ANKS3: variants seen among roughly 807,000 people sequenced by gnomAD.
ANKS3 encodes ankyrin repeat and sterile alpha motif domain containing 3.
ANKS3 carries 62 observed loss-of-function variants against 80.7 expected under a neutral mutation model. The observed-to-expected ratio is 0.77, with a 90% CI of 0.63 to 0.95. The LOEUF (loss-of-function observed/expected upper bound fraction) is 0.95, where lower values mean the gene tolerates loss of function less well. Among genes scored for constraint, ANKS3 ranks in the 40% least tolerant of loss-of-function variants. ANKS3 has a pLI of 0.00. For missense variants in ANKS3, 1,150 were observed against 883.6 expected (o/e 1.30, Z -3.82); for synonymous variants, 489 against 355.3 (o/e 1.38, Z -4.23).
At chr16:4,696,946 C>A (rs1023424906) in intron 17 of ANKS3, 50 bp from the exon 18 acceptor site, 3 of 1,459,716 alleles carry the variant, frequency 2.1e-6, no homozygotes, top group Non-Finnish European at 2.8e-6. Context: ...TGGGTGCATA[C>A]CCACACCTGC....
At chr16:4,705,456 G>C (rs1311607828) in intron 7 of ANKS3, among the ~76,000 whole-genome samples, 1 of 152,184 alleles carries the variant, frequency 6.6e-6, no homozygotes, top group Non-Finnish European at 1.5e-5. Context: ...AAGTTAGTGA[G>C]GATGGGAAGT....
chr16:4,702,013 C>T (rs545740663), intron 9 of ANKS3, 89 bp downstream of exon 9: 170 of 1,448,042 alleles, frequency 1.2e-4, no homozygotes, highest in Non-Finnish European at 1.4e-4. Flanking sequence ...CTGTGTCCAG[C>T]GCCAGGCCCA....
chr16:4,698,732 T>A, intron 13 of ANKS3, 68 bp downstream of exon 13: 1 of 1,551,784 alleles, frequency 6.4e-7, no homozygotes, highest in Non-Finnish European at 8.7e-7. Flanking sequence ...GCACCCACCT[T>A]TTCTGTCAGA....
At chr16:4,716,793 G>A (rs2080824011) in intron 6 of ANKS3, among the ~76,000 whole-genome samples, 1 of 152,052 alleles carries the variant, frequency 6.6e-6, no homozygotes, top group African/African-American at 2.4e-5. Context: ...GTGCGTGCCT[G>A]TATCCCAGCT....
At chr16:4,720,419 G>A (rs1285849558) in intron 6 of ANKS3, among the ~76,000 whole-genome samples, 5 of 148,494 alleles carry the variant, frequency 3.4e-5, no homozygotes, top group East Asian at 2.0e-4. Flanking sequence ...CCGAGATCGC[G>A]CCACTGCACT....
intron 7 of ANKS3, among the ~76,000 whole-genome samples, chr16:4,711,501 C>T (rs1037106776): frequency 2.0e-5 from 3 of 151,594 alleles, no homozygotes; most frequent in African/African-American, 7.3e-5. Flanking sequence ...GGCAGACCAC[C>T]TGAGGTCGGG....
chr16:4,728,742 C>T (rs1303196902), intron 3 of ANKS3, among the ~76,000 whole-genome samples: 1 of 152,180 alleles, frequency 6.6e-6, no homozygotes, highest in African/African-American at 2.4e-5. Context: ...GTTATGGACT[C>T]TGCATCTTAA....
Position 4,705,237 on chromosome 16 carries a change from C to T in ANKS3, c.726G>A (p.Leu242=). 2 of 1,613,918 alleles carry T rather than the reference C, an allele frequency of 1.2e-6. No individual in the cohort carries two copies. The highest frequency in any genetic ancestry group is 1.7e-6 in the Non-Finnish European group (2 of 1,179,994). ...LYRSPEKYED[L]SSSDESCPAP... is the part of the protein sequence containing the mutation. Reference sequence around the variant, plus strand: ...CAGGGCAGGACTCGTCAGAAGAGCTCAGATCTTCGTACTTTTCTGTGATCA... The same window carrying T: ...CAGGGCAGGACTCGTCAGAAGAGCTTAGATCTTCGTACTTTTCTGTGATCA... The change falls in exon 8 of 18, where the codon CTG becomes CTA. Residue 242 remains leucine (L), a synonymous_variant. Transcript: ENST00000304283.
At position 4,697,021 on chromosome 16, in the gene ANKS3, C is replaced by G. The variant is rs1036232072; in HGVS notation, c.*7G>C. The G allele has an allele frequency of 6.2e-7, 1 of 1,612,084 alleles. No homozygotes were observed. Among genetic ancestry groups the G allele is most frequent in the Non-Finnish European group, 8.5e-7 (1 of 1,179,424 alleles). On this transcript the variant is annotated 3_prime_UTR_variant, in exon 17 of 18. Transcript: ENST00000304283. ...TCCAGGCTGGCAGACACTCACCGGC[C>G]CGCAGGCTAGGTCTCCCGCCACTTC...
chr16:4,700,718 G>C (rs1402568081), intron 11 of ANKS3: 1 of 636,080 alleles, frequency 1.6e-6, no homozygotes, highest in African/African-American at 1.8e-5. Context: ...CCCAGGCTCA[G>C]GGAGGCCAAC....
At chr16:4,699,635 T>C (rs542296293) in intron 11 of ANKS3, 24 of 186,428 alleles carry the variant, frequency 1.3e-4, no homozygotes, top group African/African-American at 5.3e-4. Flanking sequence ...TCCACTGAGA[T>C]GGTCAGGCTG....
At chr16:4,730,304 A>C in intron 2 of ANKS3, 153 bp from the exon 3 acceptor site, 1 of 669,942 alleles carries the variant, frequency 1.5e-6, no homozygotes, top group Non-Finnish European at 2.2e-6. Flanking sequence ...TTATTTGCTG[A>C]AATAATGTAT....
intron 9 of ANKS3, 58 bp downstream of exon 9, chr16:4,702,044 A>T: frequency 6.6e-7 from 1 of 1,514,134 alleles, no homozygotes; most frequent in Non-Finnish European, 8.8e-7. Flanking sequence ...GGGGATGGGC[A>T]CACAGGAGCT....
At position 4,714,124 on chromosome 16, in the gene ANKS3, G is replaced by A. The variant is rs769475487; in HGVS notation, c.636C>T (p.Tyr212=). 2.8e-5 allele frequency: 46 copies of A among 1,614,176 alleles called. No individual in the cohort carries two copies. The highest frequency in any genetic ancestry group is 6.7e-5 in the African/African-American group (5 of 75,040). ...GATARMLAKQ[Y]GHMKIVALMD... ...TCAAGGCCACGATCTTCATGTGTCC[G>A]TACTGCTTGGCCAGCATCCGGGCTG... Residue 212 remains tyrosine (Y), a synonymous_variant, in exon 7 of 18, where the codon TAC becomes TAT. Coordinates refer to ENST00000304283, the MANE Select transcript of ANKS3 (RefSeq NM_133450.4).
chr16:4,701,056 A>G lies in ANKS3; in HGVS notation c.1198T>C (p.Trp400Arg). The G allele has an allele frequency of 6.2e-7, 1 of 1,614,086 alleles. No homozygotes were observed. The highest frequency in any genetic ancestry group is 8.5e-7 in the Non-Finnish European group (1 of 1,180,020). Residue 400 changes from tryptophan (W) to arginine (R), a missense_variant, in exon 11 of 18, where the codon TGG becomes CGG. Coordinates refer to ENST00000304283, the MANE Select transcript of ANKS3 (RefSeq NM_133450.4). The part of the protein sequence containing the change: ...YMKTKNPDSQ[W>R]PPRAATDREG... The stretch of plus-strand genomic sequence containing the variant: ...CTGTCAGTTGCAGCGCGGGGAGGCC[A>G]CTGGCTGTCAGGATTCTTGGTCTTC...
At chr16:4,699,357 G>C in intron 11 of ANKS3, 181 bp from the exon 12 acceptor site, 1 of 800,836 alleles carries the variant, frequency 1.2e-6, no homozygotes, top group African/African-American at 1.7e-5. Context: ...TTGCAGGCAG[G>C]TGAGTCCTCA....
Position 4,698,799 on chromosome 16 carries a change from C to T in ANKS3, c.1551+1G>A. 7 of 1,604,550 alleles carry T rather than the reference C, an allele frequency of 4.4e-6. No homozygotes were observed. The highest frequency in any genetic ancestry group is 2.2e-5 in the East Asian group (1 of 44,856). On this transcript the variant is annotated splice_donor_variant, in intron 13 of 17. Transcript: ENST00000304283. LOFTEE classifies it high-confidence loss of function. ...CCCCCATCCCCCACCCAGCCACTCA[C>T]CTTGTGCAGCTGGATGGCGAGCTCC...
rs895001124 is a variant in ANKS3 at position 4,713,452 on chromosome 16, GA to G, written c.709+598del. On this transcript the variant is annotated intron_variant, in intron 7 of 17. Coordinates refer to ENST00000304283, the MANE Select transcript of ANKS3 (RefSeq NM_133450.4). Reference sequence around the variant, plus strand: ...TAATTAATACCCTGAGAGTTGGGGGGAAAAAAAGGATATAATGATAGGGAAA... The same window carrying G: ...TAATTAATACCCTGAGAGTTGGGGGGAAAAAAGGATATAATGATAGGGAAA... Among the ~76,000 whole-genome samples the G allele has an allele frequency of 3.3e-4, 50 of 151,964 alleles. No homozygotes were observed. The East Asian group carries it at 5.2e-3, about 16-fold the overall frequency.
rs1446586876 is a variant in ANKS3, at chr16:4,701,130, G to T, written c.1124C>A (p.Ser375Ter). The change falls in exon 11 of 18, where the codon TCG (serine) becomes TAG (stop). Residue 375 changes from serine to a stop codon, truncating the protein, a stop_gained. Transcript: ENST00000304283. LOFTEE classifies it high-confidence loss of function. ...SEASVESNED[S>*]DHACKSSARK... ...AGCTGAGCTTTTACAGGCATGATCCGAGTCCTGCAGTGAGAGGCGTGCATC... is the reference window on the plus strand; with the variant it reads ...AGCTGAGCTTTTACAGGCATGATCCTAGTCCTGCAGTGAGAGGCGTGCATC... The T allele has an allele frequency of 1.2e-6, 2 of 1,613,750 alleles. No individual in the cohort carries two copies. Among genetic ancestry groups the T allele is most frequent in the South Asian group, 1.1e-5 (1 of 91,084 alleles).
Sources: allele counts gnomAD v4.1 joint callset (sites outside exome capture counted in the v4.1 genomes callset), GRCh38; gene constraint gnomAD v4.1.1; transcripts MANE v1.5; gene names NCBI Gene and HGNC (gene_info 2026-07-23, HGNC 2026-07-21).